The following FAM83B variants were observed in gnomAD, a reference collection of about 807,000 sequenced individuals.
FAM83B encodes protein FAM83B.
In FAM83B, 26 loss-of-function variants were observed where a neutral mutation model predicts 38.8. The ratio of observed to expected loss-of-function variants is 0.67; its 90% CI spans 0.49 to 0.93. FAM83B has a LOEUF of 0.93. FAM83B is among the 40% of genes least tolerant of loss of function. FAM83B has a pLI of 0.00. For missense variants in FAM83B, 1,237 were observed against 1,197.3 expected (o/e 1.03, Z -0.49); for synonymous variants, 419 against 423.1 (o/e 0.99, Z 0.12).
At chr6:54,886,882 G>A (rs191695238) in intron 2 of FAM83B, among the ~76,000 whole-genome samples, 3 of 151,848 alleles carry the variant, frequency 2.0e-5, no homozygotes, top group Non-Finnish European at 1.5e-5. Context: ...TTTATCTTAT[G>A]AGATTCAATA....
Position 54,942,081 on chromosome 6 carries a change from C to A in FAM83B, c.*74C>A. On this transcript the variant is annotated 3_prime_UTR_variant, in exon 5 of 5. Transcript: ENST00000306858. The stretch of plus-strand genomic sequence containing the variant: ...ATTGTGGACAGTCTTTGTAACATGC[C>A]AATAGATTTTCCTAAGGACAGAATT... 1 of 1,417,048 alleles carries A rather than the reference C, an allele frequency of 7.1e-7. No homozygotes were observed. Among genetic ancestry groups the A allele is most frequent in the Non-Finnish European group, 9.5e-7 (1 of 1,050,138 alleles). The allele number at this position is 1,417,048 out of a possible 1,614,324, so 87.8% of individuals were successfully genotyped here.
At chr6:54,852,326 A>C (rs752472044) in intron 1 of FAM83B, among the ~76,000 whole-genome samples, 4 of 152,290 alleles carry the variant, frequency 2.6e-5, no homozygotes, top group Middle Eastern at 6.8e-3. Context: ...ACATTTTGAT[A>C]ATTCTCACAA....
intron 1 of FAM83B, among the ~76,000 whole-genome samples, chr6:54,851,704 G>A (rs1771296007): frequency 1.5e-5 from 2 of 131,590 alleles, no homozygotes; most frequent in Admixed American, 7.8e-5. Context: ...CTGGAGTGCA[G>A]TGGCGAGATC....
At chr6:54,851,737 T>C (rs569826111) in intron 1 of FAM83B, among the ~76,000 whole-genome samples, 1,553 of 133,192 alleles carry the variant, frequency 0.012, 28 homozygotes, top group African/African-American at 0.042. Flanking sequence ...AAGCTCCGCC[T>C]CCCGGGTTCA....
chr6:54,929,755 C>G (rs1407778003), intron 4 of FAM83B, among the ~76,000 whole-genome samples: 1 of 152,028 alleles, frequency 6.6e-6, no homozygotes, highest in East Asian at 1.9e-4. Flanking sequence ...CAGCCAGGAA[C>G]TCGGAATTTT....
chr6:54,910,608 C>T (rs1412071933), intron 2 of FAM83B, among the ~76,000 whole-genome samples: 1 of 152,142 alleles, frequency 6.6e-6, no homozygotes, highest in African/African-American at 2.4e-5. Flanking sequence ...TTCTCTTGCT[C>T]CCTCACTCCT....
At position 54,941,595 on chromosome 6, in the gene FAM83B, G is replaced by T. The variant is rs762943661; in HGVS notation, c.2624G>T (p.Ser875Ile). Residue 875 changes from serine to isoleucine, a missense_variant, in exon 5 of 5, where the codon AGC becomes ATC. Ser to Ile is a moderately radical substitution (Grantham distance 142). Transcript: ENST00000306858. The part of the protein sequence containing the change: ...KRTPSPGPVE[S>I]KFLERAGDAS... ...ACACCTTCTCCAGGTCCAGTTGAAA[G>T]CAAGTTCTTGGAAAGGGCAGGAGAT... is the stretch of plus-strand genomic sequence containing the variant. The T allele has an allele frequency of 1.2e-6, 2 of 1,614,102 alleles. No individual in the cohort carries two copies. The highest frequency in any genetic ancestry group is 2.2e-5 in the South Asian group (2 of 91,084).
intron 1 of FAM83B, among the ~76,000 whole-genome samples, chr6:54,849,949 T>C (rs944671085): frequency 2.9e-4 from 44 of 152,080 alleles, no homozygotes; most frequent in Admixed American, 1.0e-3. Context: ...GTGATGATGA[T>C]TATCTAATGG....
intron 2 of FAM83B, among the ~76,000 whole-genome samples, chr6:54,889,220 C>A (rs763732555): frequency 1.3e-5 from 2 of 151,974 alleles, no homozygotes; most frequent in African/African-American, 4.8e-5. Context: ...GTCTGCATTA[C>A]CTGTAAGCCT....
rs1383320415 is a variant in FAM83B at position 54,870,601 on chromosome 6, A to G, written c.355A>G (p.Thr119Ala). ...PYVMPGLLGGTHIDLLFHPPR... is the reference protein window; with the variant it reads ...PYVMPGLLGGAHIDLLFHPPR... ...TGTGATGCCCGGACTCTTAGGGGGC[A>G]CCCATATAGATCTCCTTTTTCATCC... The change falls in exon 2 of 5, where the codon ACC becomes GCC. Residue 119 changes from threonine to alanine, a missense_variant. Coordinates refer to ENST00000306858, the MANE Select transcript of FAM83B (RefSeq NM_001010872.3). 5 of 1,613,880 alleles carry G rather than the reference A, an allele frequency of 3.1e-6. No homozygotes were observed. Among genetic ancestry groups the G allele is most frequent in the Middle Eastern group, 1.6e-4 (1 of 6,078 alleles).
chr6:54,935,356 A>G (rs928535708), intron 4 of FAM83B, among the ~76,000 whole-genome samples: 2 of 152,152 alleles, frequency 1.3e-5, no homozygotes, highest in Non-Finnish European at 2.9e-5. Flanking sequence ...GTATTGTATA[A>G]ATGAAATCAG....
rs59997305 is a variant in FAM83B at position 54,924,188 on chromosome 6, T to TACAC, written c.445-2158_445-2155dup. Among the ~76,000 whole-genome samples the TACAC allele has an allele frequency of 3.7e-4, 54 of 147,808 alleles. 1 individual carries two copies. The highest frequency in any genetic ancestry group is 2.2e-4 in the South Asian group (1 of 4,648). Reference sequence around the variant, plus strand: ...TTTATGGTCAAACAGTATTCATTTATACACACACACACACACACACACACA... The same window carrying TACAC: ...TTTATGGTCAAACAGTATTCATTTATACACACACACACACACACACACACACACA... On this transcript the variant is annotated intron_variant, in intron 2 of 4. Transcript: ENST00000306858.
chr6:54,871,367 A>G (rs1190476033), intron 2 of FAM83B, among the ~76,000 whole-genome samples: 1 of 151,760 alleles, frequency 6.6e-6, no homozygotes, highest in African/African-American at 2.4e-5. Flanking sequence ...ACTCAGCACC[A>G]TGGTGGGCAC....
intron 4 of FAM83B, among the ~76,000 whole-genome samples, chr6:54,934,730 G>C (rs942678080): frequency 9.9e-5 from 15 of 152,132 alleles, no homozygotes. Context: ...AGGAAGGAGT[G>C]CTTCATGGGA....
intron 1 of FAM83B, among the ~76,000 whole-genome samples, chr6:54,867,077 GT>G (rs1452779273): frequency 6.6e-6 from 1 of 151,220 alleles, no homozygotes; most frequent in African/African-American, 2.4e-5. Context: ...ACATGGCATA[GT>G]GATATCTTTT....
Position 54,926,501 on chromosome 6 carries a change from C to T in FAM83B, c.575C>T (p.Thr192Ile). The change falls in exon 3 of 5, where the codon ACT becomes ATT. Residue 192 changes from threonine to isoleucine, a missense_variant. Thr to Ile is a moderately conservative substitution (Grantham distance 89). Transcript: ENST00000306858. ...ESNFNHFLNM[T>I]EKQGCSVQRL... is the part of the protein sequence containing the mutation. ...AATTTTAATCATTTTCTAAATATGA[C>T]TGAGAAACAAGGTTGTTCAGTTCAG... The T allele has an allele frequency of 1.9e-6, 3 of 1,606,274 alleles. No homozygotes were observed. The highest frequency in any genetic ancestry group is 2.2e-5 in the East Asian group (1 of 44,754).
chr6:54,931,969 G>T lies in FAM83B; in HGVS notation c.734+4337G>T, dbSNP rs181991940. 4.5e-3 allele frequency among the ~76,000 whole-genome samples: 634 copies of T among 141,696 alleles called. 8 individuals are homozygous for T. Among genetic ancestry groups the T allele is most frequent in the African/African-American group, 0.016 (601 of 38,058 alleles). 93.0% of individuals were successfully genotyped at this position (141,696 alleles called of 152,430 possible). The stretch of plus-strand genomic sequence containing the variant: ...CATTTCCTTTTGTGTATATTCTAAA[G>T]ATATTTTCTTTTCAGTTATCACTGG... On this transcript the variant is annotated intron_variant, in intron 4 of 4. Transcript: ENST00000306858.
intron 2 of FAM83B, among the ~76,000 whole-genome samples, chr6:54,894,373 G>A (rs1772469559): frequency 6.6e-6 from 1 of 151,982 alleles, no homozygotes; most frequent in African/African-American, 2.4e-5. Flanking sequence ...GGATTCTGAT[G>A]AATCTCTTGA....
chr6:54,929,743 C>T lies in FAM83B; in HGVS notation c.734+2111C>T, dbSNP rs535813112. Reference sequence around the variant, plus strand: ...ATTTACATTTGATGGACTTTAAGCCCCCAGCCAGGAACTCGGAATTTTTAA... The same window carrying T: ...ATTTACATTTGATGGACTTTAAGCCTCCAGCCAGGAACTCGGAATTTTTAA... On this transcript the variant is annotated intron_variant, in intron 4 of 4. Coordinates refer to ENST00000306858, the MANE Select transcript of FAM83B (RefSeq NM_001010872.3). 3.3e-5 allele frequency among the ~76,000 whole-genome samples: 5 copies of T among 152,042 alleles called. No homozygotes were observed. The East Asian group carries it at 9.7e-4, about 29-fold the overall frequency.
Sources: gnomAD v4.1 joint callset for allele counts (sites outside exome capture counted in the v4.1 genomes callset) on GRCh38, gnomAD v4.1.1 for gene constraint, MANE v1.5 for transcripts, NCBI Gene and HGNC (gene_info 2026-07-23, HGNC 2026-07-21) for gene names.